SUSD1: variants seen among roughly 807,000 people sequenced by gnomAD.
SUSD1 encodes sushi domain containing 1, also known as sushi domain-containing protein 1.
A neutral mutation model predicts 86.9 loss-of-function variants in SUSD1; 65 were observed. The observed-to-expected ratio is 0.75, with a 90% CI of 0.61 to 0.92. The LOEUF is 0.92. SUSD1 is among the 40% of genes least tolerant of loss of function. The probability of loss-of-function intolerance (pLI) is 0.00; values close to 1 mark genes in which losing one functional copy is unlikely to be tolerated. For missense variants in SUSD1, 850 were observed against 929.7 expected, an observed-to-expected ratio of 0.91 and a Z score of 1.11; for synonymous variants, 346 against 350.0, an observed-to-expected ratio of 0.99 and a Z score of 0.13.
intron 12 of SUSD1, among the ~76,000 whole-genome samples, chr9:112,066,651 G>A (rs1482484792): frequency 1.3e-5 from 2 of 152,166 alleles, no homozygotes; most frequent in Admixed American, 6.5e-5. Flanking sequence ...GAGTCCGTAC[G>A]TGTTGTCTTT....
rs148169461 is a variant in SUSD1 at position 112,132,231 on chromosome 9, T to G, written c.707-7795A>C. 5.2e-3 allele frequency among the ~76,000 whole-genome samples: 791 copies of G among 152,224 alleles called. 10 individuals carry two copies. Among genetic ancestry groups the G allele is most frequent in the African/African-American group, 0.018 (762 of 41,530 alleles). ...ATATAAAGGCTCCATCTAAGACTGT[T>G]TAGAGATCAATAAATAACAAGCTGA... On this transcript the variant is annotated intron_variant, in intron 5 of 16. Transcript: ENST00000374270.
chr9:112,063,583 T>C (rs1389717566), intron 12 of SUSD1, among the ~76,000 whole-genome samples: 1 of 152,128 alleles, frequency 6.6e-6, no homozygotes, highest in African/African-American at 2.4e-5. Context: ...GCCTTCAATA[T>C]CCTTTATAAT....
At chr9:112,132,023 C>T (rs1409312562) in intron 5 of SUSD1, among the ~76,000 whole-genome samples, 1 of 152,166 alleles carries the variant, frequency 6.6e-6, no homozygotes, top group Non-Finnish European at 1.5e-5. Flanking sequence ...TGTTTATCCA[C>T]AGGGCTAGCT....
At chr9:112,156,406 G>C (rs1341907553) in intron 2 of SUSD1, among the ~76,000 whole-genome samples, 1 of 151,306 alleles carries the variant, frequency 6.6e-6, no homozygotes, top group Non-Finnish European at 1.5e-5. Flanking sequence ...AGGCTGCAGT[G>C]AGCCAAGATC....
chr9:112,165,993 G>GAAAGAAAGAAAGAAAGAA lies in SUSD1; in HGVS notation c.104-8381_104-8380insTTCTTTCTTTCTTTCTTT, dbSNP rs1342453688. 6.6e-5 allele frequency among the ~76,000 whole-genome samples: 10 copies of GAAAGAAAGAAAGAAAGAA among 151,260 alleles called. No homozygotes were observed. The East Asian group carries it at 1.8e-3, about 27-fold the overall frequency. The stretch of plus-strand genomic sequence containing the variant: ...AGAAAGAAAGAAAGAAAGAAAGAAA[G>GAAAGAAAGAAAGAAAGAA]AAAATAATTTAGCATAAGTATAACC... On this transcript the variant is annotated intron_variant, in intron 1 of 16. Coordinates refer to ENST00000374270, the MANE Select transcript of SUSD1 (RefSeq NM_022486.5).
chr9:112,054,938 A>T (rs1469720150), intron 14 of SUSD1, among the ~76,000 whole-genome samples: 1 of 152,236 alleles, frequency 6.6e-6, no homozygotes, highest in Admixed American at 6.5e-5. Flanking sequence ...GTATTTCACA[A>T]GGGATTACAG....
At chr9:112,115,905 G>A (rs1232030910) in intron 6 of SUSD1, among the ~76,000 whole-genome samples, 1 of 151,534 alleles carries the variant, frequency 6.6e-6, no homozygotes, top group Non-Finnish European at 1.5e-5. Context: ...GCCCCCTTGG[G>A]TAGCATAAAG....
intron 4 of SUSD1, 196 bp from the exon 5 acceptor site, chr9:112,142,695 G>T: frequency 1.8e-6 from 1 of 548,140 alleles, no homozygotes. Flanking sequence ...CCTTCCATAG[G>T]TAAAGCATCT....
At chr9:112,145,818 G>A (rs1330702820) in intron 3 of SUSD1, among the ~76,000 whole-genome samples, 1 of 152,122 alleles carries the variant, frequency 6.6e-6, no homozygotes, top group Non-Finnish European at 1.5e-5. Context: ...CTTCTCCTGG[G>A]TTGTGGCTCA....
At chr9:112,084,961 C>T (rs80304335) in intron 10 of SUSD1, among the ~76,000 whole-genome samples, 2,208 of 152,262 alleles carry the variant, frequency 0.015, 41 homozygotes, top group East Asian at 0.044. Context: ...ACTATTTCCT[C>T]TCTGCTCCTG....
chr9:112,057,939 C>T (rs576183425), intron 14 of SUSD1, among the ~76,000 whole-genome samples: 54 of 152,300 alleles, frequency 3.5e-4, no homozygotes, highest in African/African-American at 1.2e-3. Context: ...TTCCACGTCT[C>T]AGGAAAGAAC....
At chr9:112,138,257 G>GTATATACACATATATATA (rs1564328952) in intron 5 of SUSD1, among the ~76,000 whole-genome samples, 25 of 25,590 alleles carry the variant, frequency 9.8e-4, no homozygotes, top group African/African-American at 1.9e-3. Context: ...ATATATATAT[G>GTATATACACATATATATA]TGTATATACA....
At chr9:112,051,680 C>T (rs1453804520) in intron 15 of SUSD1, among the ~76,000 whole-genome samples, 1 of 152,028 alleles carries the variant, frequency 6.6e-6, no homozygotes, top group African/African-American at 2.4e-5. Flanking sequence ...ATTCACCTGC[C>T]TCGGCCTCCC....
At chr9:112,126,412 G>C (rs1831774671) in intron 5 of SUSD1, among the ~76,000 whole-genome samples, 1 of 152,132 alleles carries the variant, frequency 6.6e-6, no homozygotes, top group Non-Finnish European at 1.5e-5. Flanking sequence ...AAGAATAATG[G>C]AAGGCATGAT....
At chr9:112,097,124 G>A (rs894586332) in intron 10 of SUSD1, among the ~76,000 whole-genome samples, 19 of 152,042 alleles carry the variant, frequency 1.2e-4, no homozygotes, top group African/African-American at 3.6e-4. Context: ...TCAGGAGTTC[G>A]AGAACAGCCT....
At chr9:112,166,758 T>A (rs1428733475) in intron 1 of SUSD1, among the ~76,000 whole-genome samples, 1 of 152,074 alleles carries the variant, frequency 6.6e-6, no homozygotes, top group African/African-American at 2.4e-5. Flanking sequence ...GTCAGCATAC[T>A]CAGGGCCTGA....
intron 14 of SUSD1, 68 bp downstream of exon 14, chr9:112,058,360 G>T: frequency 6.5e-7 from 1 of 1,543,440 alleles, no homozygotes; most frequent in Non-Finnish European, 8.7e-7. Context: ...GAAAATAAAT[G>T]TTCAAACATT....
chr9:112,041,607 A>C (rs1289614121), intron 16 of SUSD1, 115 bp from the exon 17 acceptor site: 13 of 744,362 alleles, frequency 1.7e-5, no homozygotes, highest in Admixed American at 1.1e-4. Context: ...GAGGGGGAGC[A>C]GCATGGAAGC....
chr9:112,144,670 G>C (rs1358994416), intron 3 of SUSD1, among the ~76,000 whole-genome samples: 1 of 152,144 alleles, frequency 6.6e-6, no homozygotes, highest in Non-Finnish European at 1.5e-5. Flanking sequence ...ATCTCCAGGA[G>C]AGTGAAAATG....
Sources: allele counts gnomAD v4.1 joint callset (sites outside exome capture counted in the v4.1 genomes callset), GRCh38; gene constraint gnomAD v4.1.1; transcripts MANE v1.5; gene names NCBI Gene and HGNC (gene_info 2026-07-23, HGNC 2026-07-21).